Variants in CHAC2 observed in about 807,000 individuals in gnomAD.
CHAC2 encodes the protein glutathione-specific gamma-glutamylcyclotransferase 2.
A neutral mutation model predicts 16.9 loss-of-function variants in CHAC2; 20 were observed. That is an observed-to-expected ratio of 1.18 (90% confidence interval 0.83 to 1.72). The LOEUF is 1.72. Ranked by LOEUF, CHAC2 falls within the 40% of genes most tolerant of loss-of-function variation. The pLI, the probability that CHAC2 is intolerant of heterozygous loss-of-function variation, is 0.00. For synonymous variants in CHAC2, 91 were observed against 77.3 expected (o/e 1.18, Z -0.93); for missense variants, 269 against 222.2 (o/e 1.21, Z -1.34).
chr2:53,773,197 G>T (rs935536781), intron 2 of CHAC2, among the ~76,000 whole-genome samples: 5 of 151,956 alleles, frequency 3.3e-5, no homozygotes, highest in African/African-American at 9.7e-5. Flanking sequence ...TAAACAAATG[G>T]CACTTTGTTT....
Position 53,774,289 on chromosome 2 carries a change from T to C in CHAC2, c.319T>C (p.Leu107=), listed in dbSNP as rs1674171423. 6.2e-6 allele frequency: 10 copies of C among 1,614,136 alleles called. No individual in the cohort carries two copies. The highest frequency in any genetic ancestry group is 8.5e-6 in the Non-Finnish European group (10 of 1,180,014). The change falls in exon 3 of 3, where the codon TTG becomes CTG. Residue 107 remains leucine (L), a synonymous_variant. Coordinates refer to ENST00000295304, the MANE Select transcript of CHAC2 (RefSeq NM_001008708.4). ...TCCCACAACAAAACCATTCAGTGTA[T>C]TGCTATATATTGGAACATGTGATAA... The part of the protein sequence containing the change: ...KDPTTKPFSV[L]LYIGTCDNPD...
chr2:53,771,290 G>A (rs1310771128), intron 1 of CHAC2, among the ~76,000 whole-genome samples: 2 of 152,138 alleles, frequency 1.3e-5, no homozygotes, highest in African/African-American at 2.4e-5. Context: ...CGAGACGGGT[G>A]GATTACCTAA....
chr2:53,772,622 T>G (rs1415621912), intron 2 of CHAC2, among the ~76,000 whole-genome samples: 1 of 152,152 alleles, frequency 6.6e-6, no homozygotes, highest in Admixed American at 6.6e-5. Flanking sequence ...ACCAGTCTCA[T>G]TTTCAGCAGA....
chr2:53,772,621 A>G (rs962546999), intron 2 of CHAC2, among the ~76,000 whole-genome samples: 2 of 151,510 alleles, frequency 1.3e-5, no homozygotes, highest in Non-Finnish European at 2.9e-5. Flanking sequence ...TACCAGTCTC[A>G]TTTTCAGCAG....
At chr2:53,773,042 C>G (rs948094401) in intron 2 of CHAC2, among the ~76,000 whole-genome samples, 1 of 152,014 alleles carries the variant, frequency 6.6e-6, no homozygotes, top group African/African-American at 2.4e-5. Context: ...TTGGAAAGGA[C>G]TTTAATAAAC....
chr2:53,770,374 G>T (rs1573008880), intron 1 of CHAC2, among the ~76,000 whole-genome samples: 1 of 151,982 alleles, frequency 6.6e-6, no homozygotes, highest in African/African-American at 2.4e-5. Context: ...ATTTAGGCTC[G>T]CTATGTGCCA....
chr2:53,770,461 A>G (rs1378349955), intron 1 of CHAC2, among the ~76,000 whole-genome samples: 1 of 150,172 alleles, frequency 6.7e-6, no homozygotes, highest in Non-Finnish European at 1.5e-5. Flanking sequence ...GTATCAGTAC[A>G]CATACAGCCT....
chr2:53,771,373 T>A (rs1673894931), intron 1 of CHAC2, among the ~76,000 whole-genome samples: 1 of 151,850 alleles, frequency 6.6e-6, no homozygotes. Context: ...ATTAGCTGGG[T>A]GTCTTGGCGG....
rs771386482 is a variant in CHAC2 at position 53,774,305 on chromosome 2, CAT to C, written c.336_337del (p.Cys113Ter). The C allele has an allele frequency of 1.3e-4, 216 of 1,613,796 alleles. No homozygotes were observed. Among genetic ancestry groups the C allele is most frequent in the Non-Finnish European group, 1.8e-4 (212 of 1,179,964 alleles). On this transcript the variant is annotated frameshift_variant, in exon 3 of 3. Coordinates refer to ENST00000295304, the MANE Select transcript of CHAC2 (RefSeq NM_001008708.4). LOFTEE classifies it high-confidence loss of function. ...TTCAGTGTATTGCTATATATTGGAA[CAT>C]GTGATAATCCTGATTATCTTGGTCC... is the stretch of plus-strand genomic sequence containing the variant.
chr2:53,767,937 T>C lies in CHAC2; in HGVS notation c.51T>C (p.Tyr17=), dbSNP rs1393524063. The change falls in exon 1 of 3, where the codon TAT becomes TAC. Residue 17 remains tyrosine (Y), a synonymous_variant. Coordinates refer to ENST00000295304, the MANE Select transcript of CHAC2 (RefSeq NM_001008708.4). The part of the protein sequence containing the change: ...GSLIWKVDFP[Y]QDKLVGYITN... The stretch of plus-strand genomic sequence containing the variant: ...TGATCTGGAAGGTGGATTTCCCCTA[T>C]CAGGACAAGCTGGTCGGATACATCA... 1 of 1,614,072 alleles carries C rather than the reference T, an allele frequency of 6.2e-7. No individual in the cohort carries two copies. Among genetic ancestry groups the C allele is most frequent in the Non-Finnish European group, 8.5e-7 (1 of 1,179,974 alleles).
At chr2:53,773,850 C>T (rs1042902300) in intron 2 of CHAC2, among the ~76,000 whole-genome samples, 5 of 151,926 alleles carry the variant, frequency 3.3e-5, no homozygotes, top group African/African-American at 4.8e-5. Flanking sequence ...GCCTGGCCAA[C>T]GTGACAAAAC....
chr2:53,773,996 C>T lies in CHAC2; in HGVS notation c.172-146C>T, dbSNP rs905370888. 5.8e-5 allele frequency: 51 copies of T among 876,888 alleles called. No homozygotes were observed. The African/African-American group carries it at 7.5e-4, about 13-fold the overall frequency. 54.3% of individuals were successfully genotyped at this position (876,888 alleles called of 1,614,324 possible). A position where few individuals can be genotyped will look rare whatever the true frequency, so the allele number is the denominator to read the frequency against. ...GTTGCAGTAGGCCACGATCGTGCCA[C>T]TGCACCACAGCCTGGGCAACAGACA... On this transcript the variant is annotated intron_variant, in intron 2 of 2. Coordinates refer to ENST00000295304, the MANE Select transcript of CHAC2 (RefSeq NM_001008708.4).
intron 1 of CHAC2, among the ~76,000 whole-genome samples, chr2:53,770,815 G>C (rs764683138): frequency 6.6e-6 from 1 of 152,136 alleles, no homozygotes; most frequent in Non-Finnish European, 1.5e-5. Flanking sequence ...AGAACTACAC[G>C]AATAGGCCAG....
At chr2:53,772,112 GAA>G (rs1673963319) in intron 2 of CHAC2, among the ~76,000 whole-genome samples, 170 bp downstream of exon 2, 1 of 152,080 alleles carries the variant, frequency 6.6e-6, no homozygotes, top group Non-Finnish European at 1.5e-5. Context: ...AGGCCAATAA[GAA>G]AAGTTAGAAT....
At chr2:53,773,284 A>T (rs560405531) in intron 2 of CHAC2, among the ~76,000 whole-genome samples, 123 of 150,354 alleles carry the variant, frequency 8.2e-4, no homozygotes, top group South Asian at 6.7e-3. Flanking sequence ...AGACCAAATT[A>T]AAAAAAAATT....
chr2:53,773,545 C>T (rs1245146600), intron 2 of CHAC2, among the ~76,000 whole-genome samples: 3 of 152,098 alleles, frequency 2.0e-5, no homozygotes, highest in Non-Finnish European at 4.4e-5. Flanking sequence ...ATGCTCCTGC[C>T]TCAGCCTCCT....
At chr2:53,772,076 G>A in intron 2 of CHAC2, 134 bp downstream of exon 2, 1 of 585,756 alleles carries the variant, frequency 1.7e-6, no homozygotes, top group Non-Finnish European at 2.9e-6. Context: ...TGTATTTGTG[G>A]GTTTTTTTTG....
chr2:53,772,076 GGTTT>G, intron 2 of CHAC2, 134 bp downstream of exon 2: 1 of 585,756 alleles, frequency 1.7e-6, no homozygotes, highest in Non-Finnish European at 2.9e-6. Context: ...TGTATTTGTG[GGTTT>G]TTTTTGTGTT....
rs147424840 is a variant in CHAC2, at chr2:53,767,912, T to C, written c.26T>C (p.Leu9Pro). 2.3e-3 allele frequency: 3,760 copies of C among 1,613,402 alleles called. 9 individuals carry two copies. Among genetic ancestry groups the C allele is most frequent in the Admixed American group, 3.6e-3 (214 of 59,938 alleles). The change falls in exon 1 of 3, where the codon CTG becomes CCG. Residue 9 changes from leucine to proline, a missense_variant. By Grantham distance (98) the Leu-to-Pro change is moderately conservative (BLOSUM62 -3). Coordinates refer to ENST00000295304, the MANE Select transcript of CHAC2 (RefSeq NM_001008708.4). MWVFGYGS[L>P]IWKVDFPYQD... ...ATGTGGGTTTTTGGTTACGGGTCCC[T>C]GATCTGGAAGGTGGATTTCCCCTAT...
Sources: allele counts gnomAD v4.1 joint callset (sites outside exome capture counted in the v4.1 genomes callset), GRCh38; gene constraint gnomAD v4.1.1; transcripts MANE v1.5; gene names NCBI Gene and HGNC (gene_info 2026-07-23, HGNC 2026-07-21).